Variants in TTC22 observed in about 807,000 individuals in gnomAD.
TTC22 encodes the protein tetratricopeptide repeat protein 22.
A neutral mutation model predicts 48.2 loss-of-function variants in TTC22; 42 were observed. That is an observed-to-expected ratio of 0.87 (90% CI 0.68 to 1.13). The LOEUF (loss-of-function observed/expected upper bound fraction) is 1.13, where lower values mean the gene tolerates loss of function less well. TTC22 is among the 50% of genes most tolerant of loss of function. TTC22 has a pLI of 0.00. For missense variants in TTC22, 784 were observed against 807.0 expected (o/e 0.97, Z 0.34); for synonymous variants, 345 against 365.5 (o/e 0.94, Z 0.64).
In TTC22 at chr1:54,781,639, G is replaced by A; in HGVS notation, c.1314C>T (p.Arg438=). The change falls in exon 7 of 7, where the codon CGC becomes CGT. Residue 438 remains arginine (R), a synonymous_variant. Coordinates refer to ENST00000371276, the MANE Select transcript of TTC22 (RefSeq NM_001114108.2). ...GATLPELQLL[R]GKCLRIKGED... ...CGCCCTTGATGCGCAGGCACTTGCCGCGCAGCAGCTGCAGCTCGGGCAGCG... is the reference window on the plus strand; with the variant it reads ...CGCCCTTGATGCGCAGGCACTTGCCACGCAGCAGCTGCAGCTCGGGCAGCG... 2 of 1,530,506 alleles carry A rather than the reference G, an allele frequency of 1.3e-6. No individual in the cohort carries two copies. Among genetic ancestry groups the A allele is most frequent in the Non-Finnish European group, 1.7e-6 (2 of 1,144,150 alleles). 94.8% of individuals were successfully genotyped at this position (1,530,506 alleles called of 1,614,324 possible).
intron 1 of TTC22, among the ~76,000 whole-genome samples, chr1:54,800,133 G>A (rs1353361043): frequency 3.9e-5 from 6 of 151,994 alleles, no homozygotes; most frequent in Admixed American, 3.9e-4. Flanking sequence ...GATCATTCAT[G>A]GAAAAGGCAC....
At position 54,800,850 on chromosome 1, in the gene TTC22, T is replaced by C. The variant is rs1228420644; in HGVS notation, c.314A>G (p.Asn105Ser). ...CAGCCGCCCGTACACGTGTGCCAGA[T>C]TGGCCCAGGCATTGAGGTTGCCCGG... is the stretch of plus-strand genomic sequence containing the variant. ...EHPGNLNAWA[N>S]LAHVYGRLGQ... The change falls in exon 1 of 7, where the codon AAT (asparagine) becomes AGT (serine). Residue 105 changes from asparagine to serine, a missense_variant. Transcript: ENST00000371276. The C allele has an allele frequency of 1.9e-6, 3 of 1,609,196 alleles. No homozygotes were observed. Among genetic ancestry groups the C allele is most frequent in the East Asian group, 4.5e-5 (2 of 44,712 alleles).
Position 54,781,467 on chromosome 1 carries a change from C to T in TTC22, c.1486G>A (p.Glu496Lys). 2 of 1,462,214 alleles carry T rather than the reference C, an allele frequency of 1.4e-6. No individual in the cohort carries two copies. The highest frequency in any genetic ancestry group is 1.8e-6 in the Non-Finnish European group (2 of 1,116,994). The allele number at this position is 1,462,214 out of a possible 1,614,324, so 90.6% of individuals were successfully genotyped here. ...AQLSDGELGR[E>K]VDAWLRRAQD... Reference sequence around the variant, plus strand: ...GCGCGGCGCAGCCAGGCGTCCACCTCGCGGCCCAGCTCCCCGTCGCTCAGC... The same window carrying T: ...GCGCGGCGCAGCCAGGCGTCCACCTTGCGGCCCAGCTCCCCGTCGCTCAGC... The change falls in exon 7 of 7, where the codon GAG becomes AAG. Residue 496 changes from glutamate (E) to lysine (K), a missense_variant. By Grantham distance (56) the Glu-to-Lys change is moderately conservative. Coordinates refer to ENST00000371276, the MANE Select transcript of TTC22 (RefSeq NM_001114108.2).
At chr1:54,791,714 C>T (rs1646353190) in intron 1 of TTC22, among the ~76,000 whole-genome samples, 1 of 152,166 alleles carries the variant, frequency 6.6e-6, no homozygotes, top group African/African-American at 2.4e-5. Flanking sequence ...TTTCTTGCCT[C>T]CACAGGTCCC....
At chr1:54,786,785 T>C (rs949570696) in intron 4 of TTC22, 172 bp downstream of exon 4, 4 of 423,048 alleles carry the variant, frequency 9.5e-6, no homozygotes, top group Non-Finnish European at 1.7e-5. Context: ...GGGGAGGGTC[T>C]CTTTTGTTTT....
intron 5 of TTC22, chr1:54,785,677 G>T: frequency 2.4e-6 from 1 of 414,640 alleles, no homozygotes; most frequent in Non-Finnish European, 4.7e-6. Flanking sequence ...GCTGGGTGTG[G>T]TGGTGTGCAC....
At position 54,800,813 on chromosome 1, in the gene TTC22, T is replaced by C. The variant is rs1342799849; in HGVS notation, c.351A>G (p.Glu117=). The change falls in exon 1 of 7, where the codon GAA becomes GAG. Residue 117 remains glutamate (E), a synonymous_variant. Coordinates refer to ENST00000371276, the MANE Select transcript of TTC22 (RefSeq NM_001114108.2). ...GCCGTGCGGCGCACGCCTCCTCCTCTTCTTCCTGGCCCAGCCGCCCGTACA... is the reference window on the plus strand; with the variant it reads ...GCCGTGCGGCGCACGCCTCCTCCTCCTCTTCCTGGCCCAGCCGCCCGTACA... The part of the protein sequence containing the change: ...AHVYGRLGQE[E]EEEACAARLA... 6.3e-7 allele frequency: 1 copy of C among 1,590,806 alleles called. No homozygotes were observed. Among genetic ancestry groups the C allele is most frequent in the Admixed American group, 1.8e-5 (1 of 56,970 alleles).
At chr1:54,791,140 G>A (rs544665036) in intron 1 of TTC22, among the ~76,000 whole-genome samples, 11 of 152,296 alleles carry the variant, frequency 7.2e-5, no homozygotes, top group African/African-American at 2.4e-4. Context: ...GATTACAGGT[G>A]TGAGCCACCG....
chr1:54,784,433 G>T, intron 5 of TTC22: 1 of 501,392 alleles, frequency 2.0e-6, no homozygotes, highest in Non-Finnish European at 2.6e-6. Flanking sequence ...ATTGAATGCA[G>T]TTCCTTGGGG....
rs577099146 is a variant in TTC22, at chr1:54,787,700, C to A, written c.739+11G>T. ...AGAGGCTGCTGTCCCACCCATCCCC[C>A]GGGTCCCCACCTCGGTGGCGGGGGT... On this transcript the variant is annotated intron_variant, in intron 3 of 6. Coordinates refer to ENST00000371276, the MANE Select transcript of TTC22 (RefSeq NM_001114108.2). The A allele has an allele frequency of 1.2e-6, 2 of 1,604,130 alleles. No individual in the cohort carries two copies. The highest frequency in any genetic ancestry group is 1.7e-6 in the Non-Finnish European group (2 of 1,173,794).
chr1:54,800,543 C>G, intron 1 of TTC22, 54 bp downstream of exon 1: 2 of 1,359,194 alleles, frequency 1.5e-6, no homozygotes, highest in Non-Finnish European at 1.9e-6. Flanking sequence ...CAGAAGGGAC[C>G]ATGGGAGGAC....
At chr1:54,798,149 A>G (rs747182698) in intron 1 of TTC22, among the ~76,000 whole-genome samples, 12 of 152,258 alleles carry the variant, frequency 7.9e-5, no homozygotes, top group African/African-American at 1.2e-4. Flanking sequence ...AAGGCTGTGC[A>G]GTCAACCAGG....
At chr1:54,791,795 A>G (rs1336970710) in intron 1 of TTC22, among the ~76,000 whole-genome samples, 2 of 152,116 alleles carry the variant, frequency 1.3e-5, no homozygotes, top group Non-Finnish European at 2.9e-5. Flanking sequence ...TCAAGTGGCA[A>G]GAAGTTAAAT....
chr1:54,800,794 C>G lies in TTC22; in HGVS notation c.370G>C (p.Ala124Pro). 1 of 1,570,928 alleles carries G rather than the reference C, an allele frequency of 6.4e-7. No homozygotes were observed. Among genetic ancestry groups the G allele is most frequent in the South Asian group, 1.2e-5 (1 of 86,036 alleles). The change falls in exon 1 of 7, where the codon GCA becomes CCA. Residue 124 changes from alanine to proline, a missense_variant. Transcript: ENST00000371276. Reference protein sequence around the residue: ...GQEEEEEACAARLADLMGLAE... With the variant: ...GQEEEEEACAPRLADLMGLAE... ...AGGCCCATGAGGTCGGCCAGCCGTGCGGCGCACGCCTCCTCCTCTTCTTCC... is the reference window on the plus strand; with the variant it reads ...AGGCCCATGAGGTCGGCCAGCCGTGGGGCGCACGCCTCCTCCTCTTCTTCC...
At chr1:54,785,434 T>C in intron 5 of TTC22, 1 of 346,030 alleles carries the variant, frequency 2.9e-6, no homozygotes, top group South Asian at 2.1e-5. Context: ...CCCGTGCCAA[T>C]CCAGAAGAGG....
rs866511260 is a variant in TTC22, at chr1:54,786,091, G to A, written c.912C>T (p.Ile304=). Residue 304 remains isoleucine (I), a synonymous_variant, in exon 5 of 7, where the codon ATC becomes ATT. Transcript: ENST00000371276. ...TATCCTGCTTTCCCAGGAAGTAGAAGATTTTTGCCAGGCGATTCAGGATGG... is the reference window on the plus strand; with the variant it reads ...TATCCTGCTTTCCCAGGAAGTAGAAAATTTTTGCCAGGCGATTCAGGATGG... ...QPPILNRLAK[I]FYFLGKQDMA... The A allele has an allele frequency of 6.2e-7, 1 of 1,614,138 alleles. No individual in the cohort carries two copies. Among genetic ancestry groups the A allele is most frequent in the Non-Finnish European group, 8.5e-7 (1 of 1,180,002 alleles).
chr1:54,793,158 C>G (rs1231524233), intron 1 of TTC22: 1 of 152,134 alleles, frequency 6.6e-6, no homozygotes, highest in Non-Finnish European at 1.5e-5. Flanking sequence ...GAGAGGCTGG[C>G]CAGCGTGTGA....
chr1:54,785,967 CAGG>C lies in TTC22; in HGVS notation c.1020+13_1020+15del, dbSNP rs780150443. The C allele has an allele frequency of 8.1e-6, 13 of 1,606,426 alleles. No homozygotes were observed. In the East Asian group the frequency reaches 2.9e-4, roughly 36 times the overall value. On this transcript the variant is annotated intron_variant, in intron 5 of 6. Transcript: ENST00000371276. ...TTCCCAATGGCAGGGTATGGTGGGG[CAGG>C]AAGTTGACCCACCTTGGCCCTTGTG... is the stretch of plus-strand genomic sequence containing the variant.
At position 54,781,157 on chromosome 1, in the gene TTC22, G is replaced by T; in HGVS notation, c.*86C>A. ...GGCTCCGCTCCCAGGTCAGCCTAAGGCAGGGAGTCCATCCGGACCTGGTCC... is the reference window on the plus strand; with the variant it reads ...GGCTCCGCTCCCAGGTCAGCCTAAGTCAGGGAGTCCATCCGGACCTGGTCC... On this transcript the variant is annotated 3_prime_UTR_variant, in exon 7 of 7. Coordinates refer to ENST00000371276, the MANE Select transcript of TTC22 (RefSeq NM_001114108.2). 2.0e-6 allele frequency: 2 copies of T among 989,840 alleles called. No individual in the cohort carries two copies. The highest frequency in any genetic ancestry group is 2.7e-6 in the Non-Finnish European group (2 of 734,948). 61.3% of individuals were successfully genotyped at this position (989,840 alleles called of 1,614,324 possible). A position where few individuals can be genotyped will look rare whatever the true frequency, so the allele number is the denominator to read the frequency against.
Sources: gnomAD v4.1 joint callset for allele counts (sites outside exome capture counted in the v4.1 genomes callset) on GRCh38, gnomAD v4.1.1 for gene constraint, MANE v1.5 for transcripts, NCBI Gene and HGNC (gene_info 2026-07-23, HGNC 2026-07-21) for gene names.